Variants in PRDM11 observed in about 807,000 individuals in gnomAD.
PRDM11 encodes PR/SET domain 11, also known as PR domain-containing protein 11.
In PRDM11, 20 loss-of-function variants were observed where a neutral mutation model predicts 97.8. The observed-to-expected ratio is 0.20, with a 90% CI of 0.14 to 0.30. The LOEUF (loss-of-function observed/expected upper bound fraction) is 0.30, where lower values mean the gene tolerates loss of function less well. Among genes scored for constraint, PRDM11 ranks in the 10% least tolerant of loss-of-function variants. The pLI is 1.00. For synonymous variants in PRDM11, 599 were observed against 637.7 expected (o/e 0.94, Z 0.91); for missense variants, 1,139 against 1,555.2 (o/e 0.73, Z 4.50).
At chr11:45,151,257 A>T (rs964871311) in intron 1 of PRDM11, among the ~76,000 whole-genome samples, 15 of 152,194 alleles carry the variant, frequency 9.9e-5, no homozygotes, top group African/African-American at 3.6e-4. Context: ...ACAGAGCCCC[A>T]TGTTCTCAGA....
chr11:45,165,946 GCTTTGCATTGCACAGA>G (rs1425017993), intron 1 of PRDM11, among the ~76,000 whole-genome samples: 1 of 152,120 alleles, frequency 6.6e-6, no homozygotes, highest in Non-Finnish European at 1.5e-5. Flanking sequence ...AAGAGTGTGG[GCTTTGCATTGCACAGA>G]CTCCAGACAG....
chr11:45,211,050 A>T (rs923483607), intron 5 of PRDM11, among the ~76,000 whole-genome samples: 7 of 152,322 alleles, frequency 4.6e-5, no homozygotes, highest in African/African-American at 1.4e-4. Flanking sequence ...GCAGGCTCAC[A>T]GCCCTCCTTT....
At chr11:45,119,171 G>A (rs1479444545) in intron 1 of PRDM11, among the ~76,000 whole-genome samples, 1 of 152,158 alleles carries the variant, frequency 6.6e-6, no homozygotes, top group East Asian at 1.9e-4. Flanking sequence ...TAGGTGGTTA[G>A]GAGACCAAAT....
chr11:45,206,893 GGT>G (rs1853531786), intron 5 of PRDM11, among the ~76,000 whole-genome samples: 1 of 152,190 alleles, frequency 6.6e-6, no homozygotes, highest in South Asian at 2.1e-4. Context: ...ATCCTAGGTC[GGT>G]GTTCTTCCTG....
intron 1 of PRDM11, among the ~76,000 whole-genome samples, chr11:45,105,249 A>G (rs1185870699): frequency 2.0e-5 from 3 of 152,166 alleles, no homozygotes; most frequent in Non-Finnish European, 4.4e-5. Flanking sequence ...TCAATGCCCC[A>G]CCTCCTAATA....
chr11:45,173,301 C>G (rs115951964), intron 1 of PRDM11, among the ~76,000 whole-genome samples: 2,146 of 152,204 alleles, frequency 0.014, 48 homozygotes, highest in African/African-American at 0.049. Context: ...AAGCCACCAG[C>G]AGGATCCACT....
At chr11:45,151,279 G>C (rs1292431624) in intron 1 of PRDM11, among the ~76,000 whole-genome samples, 1 of 152,230 alleles carries the variant, frequency 6.6e-6, no homozygotes, top group African/African-American at 2.4e-5. Flanking sequence ...TGAGGCCTGG[G>C]AGGGGCTTCC....
intron 1 of PRDM11, among the ~76,000 whole-genome samples, chr11:45,155,778 T>C (rs553738125): frequency 5.3e-5 from 8 of 151,720 alleles, no homozygotes; most frequent in African/African-American, 1.9e-4. Flanking sequence ...AGAGGAGATA[T>C]TGGGTCTCCA....
At chr11:45,146,463 C>T (rs797014483), upstream of PRDM11, among the ~76,000 whole-genome samples, 7 of 152,230 alleles carry the variant, frequency 4.6e-5, no homozygotes, top group African/African-American at 1.7e-4. Context: ...ATAAAACGCT[C>T]CCTCTCCCTT....
intron 5 of PRDM11, among the ~76,000 whole-genome samples, chr11:45,207,888 C>T (rs148304762): frequency 6.6e-6 from 1 of 152,310 alleles, no homozygotes; most frequent in East Asian, 1.9e-4. Context: ...GGAGTGAATG[C>T]GCTCTGAGCT....
Position 45,231,378 on chromosome 11 carries a change from T to C in PRDM11, c.*3219T>C, listed in dbSNP as rs1854396607. ...CCAGGGAGCATATGCTTGGCTAACC[T>C]AATCTCCCCTTGATGTGTATACAGA... On this transcript the variant is annotated 3_prime_UTR_variant, in exon 8 of 8. Transcript: ENST00000683152. 1 of 152,120 alleles carries C rather than the reference T, an allele frequency of 6.6e-6. No homozygotes were observed. Among genetic ancestry groups the C allele is most frequent in the South Asian group, 2.1e-4 (1 of 4,820 alleles). The allele number at this position is 152,120 out of a possible 1,614,324, so 9.4% of individuals were successfully genotyped here.
intron 4 of PRDM11, among the ~76,000 whole-genome samples, chr11:45,202,378 T>C (rs1029330374): frequency 3.3e-5 from 5 of 152,184 alleles, no homozygotes; most frequent in African/African-American, 1.2e-4. Context: ...ACAGAGATAA[T>C]GCCATGATAG....
chr11:45,112,411 G>GT (rs920842546), intron 1 of PRDM11, among the ~76,000 whole-genome samples: 69 of 152,300 alleles, frequency 4.5e-4, no homozygotes, highest in African/African-American at 1.5e-3. Context: ...GTGTACAGGT[G>GT]TTTTTTTCAT....
chr11:45,189,596 G>A (rs1036443285), intron 4 of PRDM11, among the ~76,000 whole-genome samples: 4 of 152,186 alleles, frequency 2.6e-5, no homozygotes, highest in Non-Finnish European at 5.9e-5. Context: ...TCCATGCGAG[G>A]CAGCCTCCCC....
chr11:45,224,192 C>T (rs781107279), intron 6 of PRDM11, 25 bp from the exon 7 acceptor site: 2 of 1,542,200 alleles, frequency 1.3e-6, no homozygotes, highest in East Asian at 4.5e-5. Flanking sequence ...TCCCCATTTC[C>T]TTACACCCTG....
chr11:45,171,210 A>G (rs1852194881), intron 1 of PRDM11, among the ~76,000 whole-genome samples: 1 of 151,918 alleles, frequency 6.6e-6, no homozygotes. Flanking sequence ...AGCAATTCTC[A>G]TGCCTCAGCC....
intron 1 of PRDM11, among the ~76,000 whole-genome samples, chr11:45,139,547 A>G (rs1366284781): frequency 3.0e-5 from 4 of 131,768 alleles, no homozygotes; most frequent in Non-Finnish European, 1.5e-5. Context: ...AGCCTGGGTG[A>G]CAGGGCGAGA....
chr11:45,124,516 C>T (rs1677747052), intron 1 of PRDM11, among the ~76,000 whole-genome samples: 1 of 152,186 alleles, frequency 6.6e-6, no homozygotes, highest in African/African-American at 2.4e-5. Flanking sequence ...AGATACGTCC[C>T]ATCAATACCT....
At chr11:45,188,109 A>ACATTTCC in intron 4 of PRDM11, among the ~76,000 whole-genome samples, 1 of 152,234 alleles carries the variant, frequency 6.6e-6, no homozygotes, top group African/African-American at 2.4e-5. Context: ...TCAGCACAAC[A>ACATTTCC]CATTTCCCTC....
Sources: allele counts gnomAD v4.1 joint callset (sites outside exome capture counted in the v4.1 genomes callset), GRCh38; gene constraint gnomAD v4.1.1; transcripts MANE v1.5; gene names NCBI Gene and HGNC (gene_info 2026-07-23, HGNC 2026-07-21).